CHST15: variants seen among roughly 807,000 people sequenced by gnomAD.
CHST15 encodes the protein carbohydrate sulfotransferase 15, also known as B cell RAG associated protein (GALNAC4S-6ST).
A neutral mutation model predicts 53.6 loss-of-function variants in CHST15; 30 were observed. The ratio of observed to expected loss-of-function variants is 0.56; its 90% CI spans 0.42 to 0.76. CHST15 has a LOEUF of 0.76. Ranked by LOEUF, CHST15 falls within the 30% of genes least tolerant of loss-of-function variation. The pLI is 0.00. For synonymous variants in CHST15, 296 were observed against 289.8 expected, an observed-to-expected ratio of 1.02 and a Z score of -0.22; for missense variants, 627 against 740.5, an observed-to-expected ratio of 0.85 and a Z score of 1.78.
chr10:124,021,292 G>A lies in CHST15; in HGVS notation c.1311C>T (p.Ala437=). 1 of 1,613,274 alleles carries A rather than the reference G, an allele frequency of 6.2e-7. No homozygotes were observed. ...ENCMLDYSLR[A]CVYNNTLNNA... is the part of the protein sequence containing the mutation. ...TGTTGAGGGTGTTGTTGTAGACGCA[G>A]GCGCGCAGTGAATAATCAAGCATGC... The change falls in exon 6 of 8, where the codon GCC becomes GCT. Residue 437 remains alanine, a synonymous_variant. Transcript: ENST00000435907.
chr10:124,084,082 C>A (rs1268473199), intron 1 of CHST15, among the ~76,000 whole-genome samples: 1 of 152,208 alleles, frequency 6.6e-6, no homozygotes, highest in Non-Finnish European at 1.5e-5. Context: ...CAAGGCAGAG[C>A]TAGGGAAGGA....
intron 1 of CHST15, among the ~76,000 whole-genome samples, chr10:124,054,461 C>A (rs902355143): frequency 5.3e-5 from 8 of 152,194 alleles, no homozygotes; most frequent in Admixed American, 3.9e-4. Context: ...TAAGCCATAT[C>A]CATAATAAAC....
intron 1 of CHST15, among the ~76,000 whole-genome samples, chr10:124,048,415 C>T (rs946940167): frequency 4.6e-5 from 7 of 152,128 alleles, no homozygotes; most frequent in African/African-American, 1.2e-4. Context: ...GGCGCTGGGG[C>T]GGGGATGCAG....
intron 1 of CHST15, among the ~76,000 whole-genome samples, chr10:124,064,102 T>A (rs1340667702): frequency 6.6e-6 from 1 of 152,150 alleles, no homozygotes; most frequent in African/African-American, 2.4e-5. Context: ...TCTCATAAGA[T>A]CTGGAAAGAA....
chr10:124,022,767 T>C (rs974383508), intron 5 of CHST15, among the ~76,000 whole-genome samples: 5 of 151,210 alleles, frequency 3.3e-5, no homozygotes, highest in Non-Finnish European at 5.9e-5. Flanking sequence ...TTCCCCTTAG[T>C]AATTTTCTAG....
Position 124,019,230 on chromosome 10 carries a change from C to T in CHST15, c.1347+2026G>A, listed in dbSNP as rs1156971026. Among the ~76,000 whole-genome samples the T allele has an allele frequency of 1.3e-5, 2 of 152,166 alleles. No individual in the cohort carries two copies. The highest frequency in any genetic ancestry group is 4.8e-5 in the African/African-American group (2 of 41,422). ...TGATCAGTGCTGGAAGAAACCACAA[C>T]CCCACCTTGAGGCGTCATGCCAGCG... On this transcript the variant is annotated intron_variant, in intron 6 of 7. Coordinates refer to ENST00000435907, the MANE Select transcript of CHST15 (RefSeq NM_001270764.2). The surrounding 1 kb of genome is among the most constrained non-coding windows in gnomAD (Gnocchi z 4.6).
intron 1 of CHST15, among the ~76,000 whole-genome samples, chr10:124,072,668 C>A (rs1948956352): frequency 6.6e-6 from 1 of 152,222 alleles, no homozygotes; most frequent in Non-Finnish European, 1.5e-5. Context: ...AGCCTGGAGG[C>A]TTTGCTTCAT....
intron 1 of CHST15, among the ~76,000 whole-genome samples, chr10:124,090,044 T>C (rs1174101001): frequency 6.6e-6 from 1 of 152,184 alleles, no homozygotes; most frequent in Non-Finnish European, 1.5e-5. Context: ...GCCGCAGGCA[T>C]GATGGGCAGC....
chr10:124,079,072 T>C lies in CHST15; in HGVS notation c.-513+14397A>G, dbSNP rs78260367. Among the ~76,000 whole-genome samples the C allele has an allele frequency of 6.2e-4, 95 of 152,278 alleles. No individual in the cohort carries two copies. The East Asian group carries it at 0.018, about 29-fold the overall frequency. On this transcript the variant is annotated intron_variant, in intron 1 of 7. Transcript: ENST00000435907. Reference sequence around the variant, plus strand: ...TGCCTGGTGTAGGACTCATGTGACTTGGGAAGAGATGCTGAATGAACAACT... The same window carrying C: ...TGCCTGGTGTAGGACTCATGTGACTCGGGAAGAGATGCTGAATGAACAACT...
In CHST15 at chr10:124,069,301, A is replaced by G. The variant is rs376734944; in HGVS notation, c.-512-22577T>C. Among the ~76,000 whole-genome samples the G allele has an allele frequency of 3.9e-5, 6 of 152,330 alleles. No homozygotes were observed. In the East Asian group the frequency reaches 1.2e-3, roughly 29 times the overall value. ...TCTAGTACAAATCAGTGCCATACAG[A>G]TAATAAATATAGCCAGGAAATTCAA... is the stretch of plus-strand genomic sequence containing the variant. On this transcript the variant is annotated intron_variant, in intron 1 of 7. Coordinates refer to ENST00000435907, the MANE Select transcript of CHST15 (RefSeq NM_001270764.2).
intron 1 of CHST15, among the ~76,000 whole-genome samples, chr10:124,054,187 T>C (rs1183383995): frequency 3.3e-5 from 5 of 152,208 alleles, no homozygotes; most frequent in Admixed American, 2.6e-4. Flanking sequence ...ATCTGATCCT[T>C]ACGGTTTCCT....
At chr10:124,027,370 C>T (rs1417822165) in intron 5 of CHST15, among the ~76,000 whole-genome samples, 3 of 152,160 alleles carry the variant, frequency 2.0e-5, no homozygotes, top group Non-Finnish European at 2.9e-5. Flanking sequence ...CCAGCAGTGG[C>T]AAGGCCCTAC....
In CHST15 at chr10:124,047,787, A is replaced by G. The variant is rs73367700; in HGVS notation, c.-512-1063T>C. Among the ~76,000 whole-genome samples, 1,062 of 152,374 alleles carry G rather than the reference A, an allele frequency of 7.0e-3. 10 individuals carry two copies. The highest frequency in any genetic ancestry group is 0.025 in the African/African-American group (1,020 of 41,594). On this transcript the variant is annotated intron_variant, in intron 1 of 7. Transcript: ENST00000435907. ...AGACAGCATTGATAATAATAGCATC[A>G]TCAACTATTATGATGATGATTTTTC...
intron 5 of CHST15, 48 bp from the exon 6 acceptor site, chr10:124,021,460 C>A: frequency 6.4e-7 from 1 of 1,569,566 alleles, no homozygotes; most frequent in South Asian, 1.2e-5. Context: ...AACATGCAAT[C>A]ACACCATTTG....
Position 124,019,822 on chromosome 10 carries a change from C to A in CHST15, c.1347+1434G>T, listed in dbSNP as rs11551352. On this transcript the variant is annotated intron_variant, in intron 6 of 7. Coordinates refer to ENST00000435907, the MANE Select transcript of CHST15 (RefSeq NM_001270764.2). This position sits in a 1 kb window ranked among gnomAD's most constrained non-coding sequence, Gnocchi z 4.6. ...GAGGCTAGACCAGGTGGTGCGGCCC[C>A]ATGTGCCACGCACCCAAGCCCCCTG... 28,866 of 985,658 alleles carry A rather than the reference C, an allele frequency of 0.029. 470 individuals are homozygous for A. Among genetic ancestry groups the A allele is most frequent in the Non-Finnish European group, 0.033 (27,272 of 830,110 alleles). The allele number at this position is 985,658 out of a possible 1,614,324, so 61.1% of individuals were successfully genotyped here.
chr10:124,016,609 T>A (rs967495274), intron 6 of CHST15, among the ~76,000 whole-genome samples: 1 of 152,156 alleles, frequency 6.6e-6, no homozygotes, highest in Non-Finnish European at 1.5e-5. Flanking sequence ...AGGAGCCAGC[T>A]AGGGAAGGCA....
chr10:124,030,744 T>C lies in CHST15; in HGVS notation c.1190+7771A>G, dbSNP rs1351482010. On this transcript the variant is annotated intron_variant, in intron 5 of 7. Coordinates refer to ENST00000435907, the MANE Select transcript of CHST15 (RefSeq NM_001270764.2). The stretch of plus-strand genomic sequence containing the variant: ...CTGATTGAGAACACATCCAGGGCTT[T>C]CAATCAGTGCTTCTAGGGGCTGGGG... Among the ~76,000 whole-genome samples, 3 of 152,204 alleles carry C rather than the reference T, an allele frequency of 2.0e-5. No homozygotes were observed. In the East Asian group the frequency reaches 5.8e-4, roughly 29 times the overall value.
intron 6 of CHST15, chr10:124,020,772 A>G (rs1946749071): frequency 9.3e-7 from 1 of 1,073,274 alleles, no homozygotes; most frequent in African/African-American, 1.7e-5. Flanking sequence ...TTACAGACAT[A>G]GTTCTGAAGG....
At chr10:124,089,537 A>G (rs1225935855) in intron 1 of CHST15, among the ~76,000 whole-genome samples, 5 of 152,078 alleles carry the variant, frequency 3.3e-5, no homozygotes, top group Admixed American at 2.6e-4. Context: ...TGGAGATCAG[A>G]GACCCCCTGA....
Sources: gnomAD v4.1 joint callset for allele counts (sites outside exome capture counted in the v4.1 genomes callset) on GRCh38, gnomAD v4.1.1 for gene constraint, Gnocchi (gnomAD v3.1) non-coding constraint, MANE v1.5 for transcripts, NCBI Gene and HGNC (gene_info 2026-07-23, HGNC 2026-07-21) for gene names.